Variants in LPAR5 observed in about 807,000 individuals in gnomAD.
LPAR5 encodes the protein lysophosphatidic acid receptor 5.
For synonymous variants in LPAR5, 271 were observed against 261.6 expected (o/e 1.04, Z -0.35); for missense variants, 544 against 521.8 (o/e 1.04, Z -0.41).
chr12:6,625,604 T>A (rs1948932916), intron 1 of LPAR5, among the ~76,000 whole-genome samples: 6 of 149,888 alleles, frequency 4.0e-5, no homozygotes, highest in Admixed American at 3.3e-4. Flanking sequence ...GCGCCTGTAG[T>A]CCCAGTTACT....
chr12:6,633,883 A>C (rs892412483), intron 1 of LPAR5, among the ~76,000 whole-genome samples: 4 of 152,098 alleles, frequency 2.6e-5, no homozygotes, highest in Non-Finnish European at 5.9e-5. Flanking sequence ...TACATACTGC[A>C]TGTGAGTAAG....
At chr12:6,622,914 G>T (rs922356414) in intron 1 of LPAR5, among the ~76,000 whole-genome samples, 1 of 152,002 alleles carries the variant, frequency 6.6e-6, no homozygotes, top group Non-Finnish European at 1.5e-5. Flanking sequence ...TCCTGCCTGG[G>T]TGACAGAGTG....
At chr12:6,631,749 C>T (rs1271598644) in intron 1 of LPAR5, 5 of 152,230 alleles carry the variant, frequency 3.3e-5, no homozygotes, top group African/African-American at 1.2e-4. Flanking sequence ...CATTCCCTCA[C>T]TCTCCTCCAC....
At chr12:6,631,829 G>T (rs1250434566) in intron 1 of LPAR5, among the ~76,000 whole-genome samples, 2 of 152,174 alleles carry the variant, frequency 1.3e-5, no homozygotes, top group African/African-American at 4.8e-5. Context: ...AGGACCAGGG[G>T]GCTGGGAACA....
chr12:6,631,198 G>T (rs116725185), intron 1 of LPAR5, among the ~76,000 whole-genome samples: 1 of 152,200 alleles, frequency 6.6e-6, no homozygotes, highest in Admixed American at 6.5e-5. Context: ...CTCATTACAC[G>T]TGTGTGCACA....
chr12:6,626,115 C>CA (rs1378427601), intron 1 of LPAR5, among the ~76,000 whole-genome samples: 15 of 151,984 alleles, frequency 9.9e-5, no homozygotes, highest in African/African-American at 1.9e-4. Context: ...ACTAAAAATA[C>CA]AAAAAAATAG....
intron 1 of LPAR5, among the ~76,000 whole-genome samples, chr12:6,628,256 C>G (rs1011322080): frequency 1.3e-4 from 20 of 152,190 alleles, no homozygotes; most frequent in South Asian, 2.1e-4. Context: ...CTCCTGACCT[C>G]GTGATCTGCC....
At chr12:6,621,745 C>T (rs1948897495) in intron 1 of LPAR5, among the ~76,000 whole-genome samples, 1 of 152,200 alleles carries the variant, frequency 6.6e-6, no homozygotes. Flanking sequence ...ACCTGTAATC[C>T]TGGCACTTTG....
intron 1 of LPAR5, among the ~76,000 whole-genome samples, chr12:6,625,201 G>A (rs917821421): frequency 2.0e-5 from 3 of 151,936 alleles, no homozygotes; most frequent in South Asian, 2.1e-4. Flanking sequence ...CGAGGCAGGC[G>A]GATCACGAGG....
chr12:6,635,464 C>T (rs1949003651), intron 1 of LPAR5, among the ~76,000 whole-genome samples: 1 of 152,150 alleles, frequency 6.6e-6, no homozygotes. Flanking sequence ...AACCCATTAG[C>T]AAGTTTGATT....
intron 1 of LPAR5, among the ~76,000 whole-genome samples, chr12:6,629,502 A>T (rs1301728708): frequency 6.7e-6 from 1 of 150,184 alleles, no homozygotes; most frequent in African/African-American, 2.5e-5. Context: ...GTGAAAGCCC[A>T]TCTCTACTAA....
Position 6,618,849 on chromosome 12 carries a change from A to G in LPAR5, c.*1281T>C, listed in dbSNP as rs1434716753. 1.3e-5 allele frequency: 2 copies of G among 152,220 alleles called. No individual in the cohort carries two copies. The highest frequency in any genetic ancestry group is 4.8e-5 in the African/African-American group (2 of 41,430). 9.4% of individuals were successfully genotyped at this position (152,220 alleles called of 1,614,324 possible). The stretch of plus-strand genomic sequence containing the variant: ...TGAGCCATGAAGACTATCAGTAGTG[A>G]TTAATTTATTTAGCACTGCCCTCTC... On this transcript the variant is annotated 3_prime_UTR_variant, in exon 2 of 2. Coordinates refer to ENST00000329858, the MANE Select transcript of LPAR5 (RefSeq NM_020400.6).
chr12:6,622,556 C>T (rs1334837514), intron 1 of LPAR5, among the ~76,000 whole-genome samples: 4 of 148,778 alleles, frequency 2.7e-5, no homozygotes, highest in African/African-American at 7.5e-5. Context: ...TGAGACCATC[C>T]TGGCCAACAT....
chr12:6,626,486 A>G (rs1948940987), intron 1 of LPAR5, among the ~76,000 whole-genome samples: 1 of 152,194 alleles, frequency 6.6e-6, no homozygotes, highest in Admixed American at 6.6e-5. Context: ...TGTAAGAGAT[A>G]TAGTAAAACA....
chr12:6,620,167 G>A lies in LPAR5; in HGVS notation c.1082C>T (p.Ser361Phe), dbSNP rs1235079634. 1 of 1,613,546 alleles carries A rather than the reference G, an allele frequency of 6.2e-7. No individual in the cohort carries two copies. The highest frequency in any genetic ancestry group is 1.1e-5 in the South Asian group (1 of 91,068). The change falls in exon 2 of 2, where the codon TCT becomes TTT. Residue 361 changes from serine to phenylalanine, a missense_variant. Transcript: ENST00000329858. The surrounding 1 kb of genome is among the most constrained non-coding windows in gnomAD (Gnocchi z 6.8). ...ATCCTGGGGACACTGTGTGAAGGAA[G>A]ACAGAGAGTGGGAGTCGGAGGGTCG... ...LLRPSDSHSL[S>F]SFTQCPQDSA... is the part of the protein sequence containing the mutation.
chr12:6,621,277 TG>T lies in LPAR5; in HGVS notation c.-30del, dbSNP rs773276160. On this transcript the variant is annotated 5_prime_UTR_variant, in exon 2 of 2. The change abolishes the stop of an existing upstream ORF in the 5' untranslated region. Transcript: ENST00000329858. ...GCCAAAGTGGGATTGGGAGCTAGGC[TG>T]GGGATGCCATGGAGCACACCAGAAT... 2.1e-5 allele frequency: 31 copies of T among 1,483,022 alleles called. No homozygotes were observed. In the African/African-American group the frequency reaches 4.0e-4, roughly 19 times the overall value. 91.9% of individuals were successfully genotyped at this position (1,483,022 alleles called of 1,614,324 possible).
At chr12:6,622,612 G>A (rs1476722671) in intron 1 of LPAR5, among the ~76,000 whole-genome samples, 8 of 147,016 alleles carry the variant, frequency 5.4e-5, no homozygotes, top group Non-Finnish European at 4.5e-5. Context: ...TTAGCCGGGC[G>A]TGGTGGCAGG....
intron 1 of LPAR5, among the ~76,000 whole-genome samples, chr12:6,623,237 C>CAAA (rs756204538): frequency 7.5e-6 from 1 of 132,896 alleles, no homozygotes; most frequent in Admixed American, 7.6e-5. Flanking sequence ...GACTCCATCT[C>CAAA]AAAAAAAAAA....
In LPAR5 at chr12:6,621,067, A is replaced by T. The variant is rs764450576; in HGVS notation, c.182T>A (p.Met61Lys). The T allele has an allele frequency of 1.5e-5, 24 of 1,604,772 alleles. No homozygotes were observed. The highest frequency in any genetic ancestry group is 1.9e-5 in the Non-Finnish European group (22 of 1,174,432). Residue 61 changes from methionine (M) to lysine (K), a missense_variant, in exon 2 of 2, where the codon ATG (methionine) becomes AAG (lysine). Met to Lys is a moderately conservative substitution (Grantham distance 95, BLOSUM62 -1). Coordinates refer to ENST00000329858, the MANE Select transcript of LPAR5 (RefSeq NM_020400.6). ...CAGGTCGCTGGCCGCCAGGTTACACATGTACACGCTCACCACCGAGTGCAC... is the reference window on the plus strand; with the variant it reads ...CAGGTCGCTGGCCGCCAGGTTACACTTGTACACGCTCACCACCGAGTGCAC... Reference protein sequence around the residue: ...LRVHSVVSVYMCNLAASDLLF... With the variant: ...LRVHSVVSVYKCNLAASDLLF...
Sources: gnomAD v4.1 joint callset for allele counts (sites outside exome capture counted in the v4.1 genomes callset) on GRCh38, gnomAD v4.1.1 for gene constraint, Gnocchi (gnomAD v3.1) non-coding constraint, MANE v1.5 for transcripts, NCBI Gene and HGNC (gene_info 2026-07-23, HGNC 2026-07-21) for gene names.